The following ZNF267 variants were observed in gnomAD, a reference collection of about 807,000 sequenced individuals.
ZNF267 encodes zinc finger protein 267.
Under a neutral mutation model 71.6 loss-of-function variants are expected in ZNF267, and 61 were observed. That is an observed-to-expected ratio of 0.85 (90% CI 0.69 to 1.05). The LOEUF is 1.05. Ranked by LOEUF, ZNF267 falls within the 50% of genes least tolerant of loss-of-function variation. The pLI is 0.00. For synonymous variants in ZNF267, 288 were observed against 293.2 expected (o/e 0.98, Z 0.18); for missense variants, 852 against 870.0 (o/e 0.98, Z 0.26).
Position 31,917,077 on chromosome 16 carries a change from T to C in ZNF267, c.*596T>C, listed in dbSNP as rs2142366826. 1 of 152,504 alleles carries C rather than the reference T, an allele frequency of 6.6e-6. No homozygotes were observed. Among genetic ancestry groups the C allele is most frequent in the East Asian group, 1.9e-4 (1 of 5,196 alleles). 9.4% of individuals were successfully genotyped at this position (152,504 alleles called of 1,614,324 possible). Reference sequence around the variant, plus strand: ...TGAGGTTTTTGGAAAGCAAATATTATTTATATAATTCAGCTTTCAAATCTG... The same window carrying C: ...TGAGGTTTTTGGAAAGCAAATATTACTTATATAATTCAGCTTTCAAATCTG... On this transcript the variant is annotated 3_prime_UTR_variant, in exon 4 of 4. Transcript: ENST00000300870.
In ZNF267 at chr16:31,873,861, C is replaced by G. The variant is rs747856678; in HGVS notation, c.-106C>G. 1.3e-6 allele frequency: 2 copies of G among 1,511,370 alleles called. No homozygotes were observed. Among genetic ancestry groups the G allele is most frequent in the African/African-American group, 1.4e-5 (1 of 72,850 alleles). 93.6% of individuals were successfully genotyped at this position (1,511,370 alleles called of 1,614,324 possible). On this transcript the variant is annotated 5_prime_UTR_variant, in exon 1 of 4. Transcript: ENST00000300870. ...TCCGAGTCTTTCGTTCTGGGAGGCC[C>G]AGGCGGCTTCGCGTTCTGAGAATAA... is the stretch of plus-strand genomic sequence containing the variant.
At chr16:31,885,131 A>G in intron 2 of ZNF267, 30 bp from the exon 3 acceptor site, 1 of 1,551,584 alleles carries the variant, frequency 6.4e-7, no homozygotes, top group Non-Finnish European at 8.7e-7. Flanking sequence ...ACCCTCATTA[A>G]GAGTCATGTG....
intron 1 of ZNF267, among the ~76,000 whole-genome samples, chr16:31,879,445 A>G (rs918289947): frequency 6.6e-6 from 1 of 152,158 alleles, no homozygotes. Context: ...ACCACTATGG[A>G]TAGTTTTTCT....
chr16:31,889,227 C>T (rs2083944245), intron 3 of ZNF267, among the ~76,000 whole-genome samples: 1 of 145,142 alleles, frequency 6.9e-6, no homozygotes. Context: ...TTTAATGACT[C>T]AGTTTTTTGA....
intron 3 of ZNF267, among the ~76,000 whole-genome samples, chr16:31,899,256 T>C (rs1420633435): frequency 6.6e-6 from 1 of 152,184 alleles, no homozygotes; most frequent in African/African-American, 2.4e-5. Context: ...ATTGCACTTA[T>C]TCTAAAATTG....
At position 31,873,916 on chromosome 16, in the gene ZNF267, G is replaced by A; in HGVS notation, c.-51G>A. 1.2e-6 allele frequency: 2 copies of A among 1,613,484 alleles called. No homozygotes were observed. The highest frequency in any genetic ancestry group is 1.7e-6 in the Non-Finnish European group (2 of 1,179,532). On this transcript the variant is annotated 5_prime_UTR_variant, in exon 1 of 4. Coordinates refer to ENST00000300870, the MANE Select transcript of ZNF267 (RefSeq NM_003414.6). ...AACCTCTGTTGCTCTGCGACTTGCA[G>A]GCACTGGGAGATTCGTAGCTAAGAC... is the stretch of plus-strand genomic sequence containing the variant.
intron 3 of ZNF267, among the ~76,000 whole-genome samples, chr16:31,892,884 T>A (rs990080872): frequency 2.0e-5 from 3 of 152,222 alleles, no homozygotes; most frequent in Non-Finnish European, 4.4e-5. Context: ...GTCTGCAGCT[T>A]TTTCAGGTGT....
chr16:31,876,618 C>T (rs1177569492), intron 1 of ZNF267, among the ~76,000 whole-genome samples: 2 of 152,160 alleles, frequency 1.3e-5, no homozygotes. Flanking sequence ...AGTAAGTGGC[C>T]TATTTATTGT....
intron 3 of ZNF267, among the ~76,000 whole-genome samples, chr16:31,894,019 G>C (rs768413997): frequency 5.9e-5 from 9 of 152,188 alleles, no homozygotes; most frequent in Non-Finnish European, 1.2e-4. Context: ...TCTACAGTGG[G>C]ATGTGGCAAG....
At chr16:31,888,864 AAG>A (rs1459862207) in intron 3 of ZNF267, among the ~76,000 whole-genome samples, 2 of 151,928 alleles carry the variant, frequency 1.3e-5, no homozygotes, top group Non-Finnish European at 2.9e-5. Context: ...AGTTTTTTGG[AAG>A]AGTTTGAAAA....
intron 3 of ZNF267, among the ~76,000 whole-genome samples, chr16:31,902,383 G>A (rs1201735710): frequency 6.6e-6 from 1 of 151,998 alleles, no homozygotes; most frequent in Non-Finnish European, 1.5e-5. Flanking sequence ...ATTACCTTGG[G>A]CAGTATGGCC....
chr16:31,905,617 G>GTCTGCTGTTTTTT (rs2084083014), intron 3 of ZNF267, among the ~76,000 whole-genome samples: 1 of 152,152 alleles, frequency 6.6e-6, no homozygotes, highest in Non-Finnish European at 1.5e-5. Flanking sequence ...TAGTTCGTGT[G>GTCTGCTGTTTTTT]CCTTGGTTTT....
intron 1 of ZNF267, among the ~76,000 whole-genome samples, chr16:31,883,488 C>T (rs977238842): frequency 4.6e-5 from 7 of 152,148 alleles, no homozygotes; most frequent in African/African-American, 7.2e-5. Context: ...TACTCAGTTA[C>T]GAAATCTTCT....
intron 1 of ZNF267, chr16:31,874,257 A>T: frequency 2.4e-6 from 1 of 412,088 alleles, no homozygotes; most frequent in East Asian, 4.3e-5. Context: ...TCTCCCCCAG[A>T]TTGTGCGGTG....
At chr16:31,893,325 C>T (rs2083974332) in intron 3 of ZNF267, among the ~76,000 whole-genome samples, 1 of 152,246 alleles carries the variant, frequency 6.6e-6, no homozygotes, top group Non-Finnish European at 1.5e-5. Context: ...AGGAAACCAC[C>T]TTTTCCTCCT....
chr16:31,887,300 G>T (rs1463071714), intron 3 of ZNF267, among the ~76,000 whole-genome samples: 1 of 139,968 alleles, frequency 7.1e-6, no homozygotes, highest in African/African-American at 2.7e-5. Flanking sequence ...TTAATATTTT[G>T]GATATAAAAC....
At chr16:31,881,096 T>A (rs923410706) in intron 1 of ZNF267, among the ~76,000 whole-genome samples, 1 of 152,190 alleles carries the variant, frequency 6.6e-6, no homozygotes, top group East Asian at 1.9e-4. Flanking sequence ...TGATTTTTTC[T>A]TGTTAAAGAT....
At chr16:31,883,523 C>G (rs575978603) in intron 1 of ZNF267, among the ~76,000 whole-genome samples, 1 of 152,282 alleles carries the variant, frequency 6.6e-6, no homozygotes, top group African/African-American at 2.4e-5. Flanking sequence ...AAGGTTGTCT[C>G]TGTATATTGG....
At chr16:31,891,665 T>C (rs2083961266) in intron 3 of ZNF267, among the ~76,000 whole-genome samples, 1 of 152,176 alleles carries the variant, frequency 6.6e-6, no homozygotes, top group Non-Finnish European at 1.5e-5. Context: ...CAGGCTCTCT[T>C]CTCTTGTCTG....
Sources: allele counts gnomAD v4.1 joint callset (sites outside exome capture counted in the v4.1 genomes callset), GRCh38; gene constraint gnomAD v4.1.1; transcripts MANE v1.5; gene names NCBI Gene and HGNC (gene_info 2026-07-23, HGNC 2026-07-21).